The following SMAP2 variants were observed in gnomAD, a reference collection of about 807,000 sequenced individuals.
The protein encoded by SMAP2 is stromal membrane-associated protein 2.
SMAP2 carries 25 observed loss-of-function variants against 56.4 expected under a neutral mutation model. The observed-to-expected ratio is 0.44, with a 90% CI of 0.32 to 0.62. SMAP2 has a LOEUF of 0.62. Among genes scored for constraint, SMAP2 ranks in the 20% least tolerant of loss-of-function variants. The pLI is 0.04. For missense variants in SMAP2, 388 were observed against 545.6 expected, an observed-to-expected ratio of 0.71 and a Z score of 2.88; for synonymous variants, 157 against 181.7, an observed-to-expected ratio of 0.86 and a Z score of 1.09.
chr1:40,357,322 A>G (rs1408237347), intron 1 of SMAP2, among the ~76,000 whole-genome samples: 1 of 152,000 alleles, frequency 6.6e-6, no homozygotes, highest in African/African-American at 2.4e-5. Context: ...AGGCATGGTG[A>G]CGTGTGCCTG....
chr1:40,360,450 C>T (rs1205743296), intron 1 of SMAP2, among the ~76,000 whole-genome samples: 1 of 151,896 alleles, frequency 6.6e-6, no homozygotes, highest in Non-Finnish European at 1.5e-5. Flanking sequence ...TTACAGGTAC[C>T]CACTACCACG....
chr1:40,362,771 C>T (rs915971606), intron 2 of SMAP2, among the ~76,000 whole-genome samples: 9 of 152,026 alleles, frequency 5.9e-5, no homozygotes, highest in Non-Finnish European at 1.2e-4. Flanking sequence ...CTCTGTCCCT[C>T]GTAAGCACCA....
At chr1:40,348,789 T>C (rs1644399236) in intron 1 of SMAP2, among the ~76,000 whole-genome samples, 1 of 151,570 alleles carries the variant, frequency 6.6e-6, no homozygotes, top group Non-Finnish European at 1.5e-5. Context: ...TTCTTTCTTT[T>C]TTGAGATGGA....
intron 9 of SMAP2, among the ~76,000 whole-genome samples, chr1:40,421,550 C>G (rs897048470): frequency 1.3e-5 from 2 of 151,334 alleles, no homozygotes; most frequent in African/African-American, 4.8e-5. Context: ...CAAGCGCTTT[C>G]CCTGACACTG....
chr1:40,422,030 T>C lies in SMAP2; in HGVS notation c.1219T>C (p.Tyr407His), dbSNP rs1645048360. The C allele has an allele frequency of 2.5e-6, 4 of 1,614,186 alleles. No individual in the cohort carries two copies. The East Asian group carries it at 8.9e-5, about 36-fold the overall frequency. The change falls in exon 10 of 10, where the codon TAT becomes CAT. Residue 407 changes from tyrosine (Y) to histidine (H), a missense_variant. By Grantham distance (83) the Tyr-to-His change is moderately conservative (BLOSUM62 2). Transcript: ENST00000372718. The part of the protein sequence containing the change: ...NFYGANGMMN[Y>H]GQSMSGGNGQ... ...CTATGGAGCCAATGGCATGATGAAC[T>C]ATGGACAGTCAATGAGTGGCGGAAA...
At chr1:40,398,916 G>A (rs1195399896) in intron 1 of SMAP2, among the ~76,000 whole-genome samples, 1 of 152,220 alleles carries the variant, frequency 6.6e-6, no homozygotes, top group African/African-American at 2.4e-5. Context: ...GACAGCTCTT[G>A]TGGCACACAT....
intron 1 of SMAP2, among the ~76,000 whole-genome samples, chr1:40,379,296 CTT>C (rs1644572739): frequency 6.6e-6 from 1 of 152,024 alleles, no homozygotes; most frequent in African/African-American, 2.4e-5. Context: ...TCTTACGTGA[CTT>C]TTAAGAGATA....
chr1:40,382,236 G>C lies in SMAP2; in HGVS notation c.103+8013G>C, dbSNP rs185347254. 1.8e-3 allele frequency among the ~76,000 whole-genome samples: 278 copies of C among 152,176 alleles called. 1 individual carries two copies. The highest frequency in any genetic ancestry group is 6.4e-3 in the African/African-American group (267 of 41,514). On this transcript the variant is annotated intron_variant, in intron 1 of 9. Coordinates refer to ENST00000372718, the MANE Select transcript of SMAP2 (RefSeq NM_022733.3). ...AGTCATTGTCTGTTTCTGTTCTTCT[G>C]CCTGAAAATTCCATCTTGGAAATCG...
At chr1:40,347,240 G>GTTTTTT (rs200888686) in intron 1 of SMAP2, among the ~76,000 whole-genome samples, 3 of 88,386 alleles carry the variant, frequency 3.4e-5, no homozygotes, top group African/African-American at 1.2e-4. Flanking sequence ...GTGTGTGTGT[G>GTTTTTT]TTTTGTTTTT....
upstream of SMAP2, among the ~76,000 whole-genome samples, chr1:40,371,000 C>T (rs1318963495): frequency 3.9e-5 from 6 of 152,056 alleles, no homozygotes; most frequent in Non-Finnish European, 4.4e-5. Flanking sequence ...GGGTGAAACC[C>T]TGCCTCTATT....
chr1:40,397,262 A>G (rs1392219742), intron 1 of SMAP2, among the ~76,000 whole-genome samples: 3 of 152,196 alleles, frequency 2.0e-5, no homozygotes, highest in Admixed American at 6.5e-5. Flanking sequence ...TGTAGGGCTC[A>G]TTGTTCACCC....
chr1:40,420,933 A>AT (rs993646403), intron 9 of SMAP2, among the ~76,000 whole-genome samples: 35 of 152,328 alleles, frequency 2.3e-4, no homozygotes, highest in African/African-American at 7.9e-4. Context: ...ATATGGTGTT[A>AT]ATGTTAAAAT....
intron 1 of SMAP2, among the ~76,000 whole-genome samples, chr1:40,405,986 A>G (rs1644882398): frequency 6.6e-6 from 1 of 152,238 alleles, no homozygotes; most frequent in African/African-American, 2.4e-5. Flanking sequence ...AAAAGATCCT[A>G]TTAAGTTAAT....
Position 40,408,510 on chromosome 1 carries a change from A to G in SMAP2, c.238-143A>G. 1 of 602,472 alleles carries G rather than the reference A, an allele frequency of 1.7e-6. No homozygotes were observed. The highest frequency in any genetic ancestry group is 2.9e-6 in the Non-Finnish European group (1 of 343,640). The allele number at this position is 602,472 out of a possible 1,614,324, so 37.3% of individuals were successfully genotyped here. Reference sequence around the variant, plus strand: ...TAAGGTAGAGGGAATCATGAATTGGAAATCAGAATACACAAGTTTAAATGT... The same window carrying G: ...TAAGGTAGAGGGAATCATGAATTGGGAATCAGAATACACAAGTTTAAATGT... On this transcript the variant is annotated intron_variant, in intron 2 of 9. Transcript: ENST00000372718. This position sits in a 1 kb window ranked among gnomAD's most constrained non-coding sequence, Gnocchi z 4.3.
intron 2 of SMAP2, among the ~76,000 whole-genome samples, chr1:40,366,057 A>G (rs1239840750): frequency 6.7e-6 from 1 of 149,770 alleles, no homozygotes; most frequent in Non-Finnish European, 1.5e-5. Context: ...TGAAGAATGC[A>G]GAAGCCTCAG....
chr1:40,359,550 A>G (rs915512386), intron 1 of SMAP2, among the ~76,000 whole-genome samples: 4 of 152,006 alleles, frequency 2.6e-5, no homozygotes, highest in African/African-American at 9.7e-5. Flanking sequence ...TATGCCTGCC[A>G]CTTTGTTATT....
At chr1:40,363,771 G>A (rs1417646014) in intron 2 of SMAP2, among the ~76,000 whole-genome samples, 1 of 152,220 alleles carries the variant, frequency 6.6e-6, no homozygotes, top group Non-Finnish European at 1.5e-5. Context: ...GGATCAGAGA[G>A]AGAACTGGTG....
At chr1:40,399,706 A>G (rs969715004) in intron 1 of SMAP2, among the ~76,000 whole-genome samples, 4 of 134,372 alleles carry the variant, frequency 3.0e-5, no homozygotes, top group Non-Finnish European at 6.4e-5. Context: ...TGTCTCAAAA[A>G]AAAAAAAAGA....
In SMAP2 at chr1:40,421,969, C is replaced by G; in HGVS notation, c.1165-7C>G. ...CCTGGTCTGAAAGTCTCCTCTCTCCCTTTCAGATGACCCAGCAGATGGCTG... is the reference window on the plus strand; with the variant it reads ...CCTGGTCTGAAAGTCTCCTCTCTCCGTTTCAGATGACCCAGCAGATGGCTG... On this transcript the variant is annotated splice_polypyrimidine_tract_variant and splice_region_variant and intron_variant, in intron 9 of 9. Transcript: ENST00000372718. The G allele has an allele frequency of 1.2e-6, 2 of 1,614,154 alleles. No homozygotes were observed. Among genetic ancestry groups the G allele is most frequent in the Non-Finnish European group, 1.7e-6 (2 of 1,179,998 alleles).
Sources: allele counts gnomAD v4.1 joint callset (sites outside exome capture counted in the v4.1 genomes callset), GRCh38; gene constraint gnomAD v4.1.1; non-coding constraint Gnocchi (gnomAD v3.1); transcripts MANE v1.5; gene names NCBI Gene and HGNC (gene_info 2026-07-23, HGNC 2026-07-21).